Variants in CYRIB observed in about 807,000 individuals in gnomAD.
The protein encoded by CYRIB is CYFIP related Rac1 interactor B.
In CYRIB, 8 loss-of-function variants were observed where a neutral mutation model predicts 44.2. The ratio of observed to expected loss-of-function variants is 0.18; its 90% CI spans 0.11 to 0.33. The LOEUF (loss-of-function observed/expected upper bound fraction) is 0.33. Among genes scored for constraint, CYRIB ranks in the 10% least tolerant of loss-of-function variants. The pLI is 1.00. For missense variants in CYRIB, 185 were observed against 382.8 expected (o/e 0.48, Z 4.31); for synonymous variants, 131 against 127.2 (o/e 1.03, Z -0.20).
At chr8:130,007,361 C>T (rs2097126138) in intron 1 of CYRIB, among the ~76,000 whole-genome samples, 3 of 152,216 alleles carry the variant, frequency 2.0e-5, no homozygotes, top group South Asian at 4.1e-4. Context: ...CTGAAGCTGG[C>T]CTGGTATGTT....
exon 12 of CYRIB, chr8:129,841,356 G>A (rs755019246): frequency 2.6e-5 from 4 of 152,202 alleles, no homozygotes; most frequent in South Asian, 4.2e-4. Context: ...GAAAAGACCC[G>A]GCTCTCCCCT....
At chr8:129,853,845 T>C (rs766251314) in intron 7 of CYRIB, among the ~76,000 whole-genome samples, 5 of 152,198 alleles carry the variant, frequency 3.3e-5, no homozygotes, top group Admixed American at 6.5e-5. Flanking sequence ...TAACCATTAA[T>C]TTCTTGGAGG....
intron 1 of CYRIB, among the ~76,000 whole-genome samples, chr8:129,999,442 G>A (rs2096858117): frequency 1.3e-5 from 2 of 152,238 alleles, no homozygotes; most frequent in African/African-American, 2.4e-5. Flanking sequence ...CAGAGGCAAG[G>A]CCCACGTGCG....
intron 1 of CYRIB, among the ~76,000 whole-genome samples, chr8:129,910,586 C>T (rs2077470388): frequency 6.7e-6 from 1 of 150,242 alleles, no homozygotes; most frequent in South Asian, 2.1e-4. Flanking sequence ...TCACTTAAGA[C>T]CAGGAGTTTG....
At chr8:129,989,627 C>G (rs2096572256) in intron 1 of CYRIB, among the ~76,000 whole-genome samples, 1 of 151,494 alleles carries the variant, frequency 6.6e-6, no homozygotes, top group East Asian at 1.9e-4. Flanking sequence ...ACCTCGCAAG[C>G]CTGATGCCCT....
At chr8:129,942,982 G>A (rs1411854816), upstream of CYRIB, among the ~76,000 whole-genome samples, 1 of 152,046 alleles carries the variant, frequency 6.6e-6, no homozygotes, top group Non-Finnish European at 1.5e-5. Flanking sequence ...CTGTTTTCTT[G>A]GAAATTTTTA....
At chr8:129,938,807 A>G (rs973852535) in intron 1 of CYRIB, among the ~76,000 whole-genome samples, 3 of 152,180 alleles carry the variant, frequency 2.0e-5, no homozygotes, top group African/African-American at 7.2e-5. Context: ...GAAGTCTTCC[A>G]TGAAAAAAAT....
chr8:130,014,839 A>T (rs1212590588), intron 1 of CYRIB, among the ~76,000 whole-genome samples: 1 of 152,026 alleles, frequency 6.6e-6, no homozygotes, highest in Non-Finnish European at 1.5e-5. Flanking sequence ...CCAGCTGACC[A>T]CTTCTGCATG....
chr8:129,868,495 T>C (rs2055105030), intron 4 of CYRIB: 1 of 152,220 alleles, frequency 6.6e-6, no homozygotes, highest in Non-Finnish European at 1.5e-5. Flanking sequence ...TTTTTCTATG[T>C]AAACTTTCTC....
intron 1 of CYRIB, among the ~76,000 whole-genome samples, chr8:130,006,618 G>GTA (rs1233739743): frequency 0.014 from 19 of 1,394 alleles, no homozygotes; most frequent in African/African-American, 0.029. Flanking sequence ...ATATATATGT[G>GTA]TATATATATA....
intron 7 of CYRIB, among the ~76,000 whole-genome samples, chr8:129,852,485 T>A (rs2043842439): frequency 6.6e-6 from 1 of 152,202 alleles, no homozygotes; most frequent in African/African-American, 2.4e-5. Context: ...TATTAAAGAA[T>A]TTAAATAAAA....
intron 2 of CYRIB, among the ~76,000 whole-genome samples, chr8:129,968,387 T>G (rs1448126032): frequency 2.0e-5 from 3 of 152,246 alleles, no homozygotes; most frequent in South Asian, 4.1e-4. Flanking sequence ...TTTTATATCA[T>G]CCTTAGTTCT....
intron 2 of CYRIB, among the ~76,000 whole-genome samples, chr8:129,881,960 A>G (rs1364352713): frequency 6.6e-6 from 1 of 152,340 alleles, no homozygotes. Context: ...AAGTTCTTCA[A>G]TAGATGTTGG....
intron 1 of CYRIB, among the ~76,000 whole-genome samples, chr8:130,006,627 T>TACATATATATGTGTATATATATAC (rs1554785123): frequency 0.017 from 128 of 7,500 alleles, 10 homozygotes; most frequent in Middle Eastern, 0.062. Flanking sequence ...TGTATATATA[T>TACATATATATGTGTATATATATAC]ACATATATAT....
rs112183468 is a variant in CYRIB at position 129,855,446 on chromosome 8, T to C, written c.438+165A>G. The C allele has an allele frequency of 7.4e-3, 4,880 of 658,836 alleles. 178 individuals are homozygous for C. The highest frequency in any genetic ancestry group is 0.071 in the African/African-American group (3,907 of 54,676). 40.8% of individuals were successfully genotyped at this position (658,836 alleles called of 1,614,324 possible). A position where few individuals can be genotyped will look rare whatever the true frequency, so the allele number is the denominator to read the frequency against. On this transcript the variant is annotated intron_variant, in intron 6 of 11. Transcript: ENST00000519824. ...ACTCAGTAATTTGCTCTTTGCCATG[T>C]ATCAAAAGACCCGTCATTAATTTCT...
intron 2 of CYRIB, among the ~76,000 whole-genome samples, chr8:129,895,716 T>C (rs1273044389): frequency 6.6e-6 from 1 of 152,178 alleles, no homozygotes; most frequent in Non-Finnish European, 1.5e-5. Context: ...ATTTATTTAT[T>C]TATGAATAAA....
At chr8:130,015,122 G>C (rs992366237) in intron 1 of CYRIB, among the ~76,000 whole-genome samples, 1 of 152,194 alleles carries the variant, frequency 6.6e-6, no homozygotes, top group African/African-American at 2.4e-5. Flanking sequence ...GAGGGGAGGA[G>C]TCCATCCAAC....
At position 129,898,094 on chromosome 8, in the gene CYRIB, G is replaced by GTT. The variant is rs34731759; in HGVS notation, c.-11+5216_-11+5217dup. Among the ~76,000 whole-genome samples the GTT allele has an allele frequency of 1.2e-3, 182 of 146,616 alleles. 1 individual carries two copies. The highest frequency in any genetic ancestry group is 1.7e-3 in the African/African-American group (67 of 40,152). On this transcript the variant is annotated intron_variant, in intron 2 of 11. Coordinates refer to ENST00000519824, the Ensembl canonical transcript of CYRIB. ...CTAAAAATTTTTTTTAAGTTTTTTT[G>GTT]TTTTTTTTTTTAAAGGAATACTCAT... is the stretch of plus-strand genomic sequence containing the variant.
At chr8:129,963,568 G>T (rs1432564959) in intron 2 of CYRIB, among the ~76,000 whole-genome samples, 1 of 152,204 alleles carries the variant, frequency 6.6e-6, no homozygotes, top group Non-Finnish European at 1.5e-5. Context: ...CAGAGCAATG[G>T]CGATTAAACC....
Sources: allele counts gnomAD v4.1 joint callset (sites outside exome capture counted in the v4.1 genomes callset), GRCh38; gene constraint gnomAD v4.1.1; transcripts MANE v1.5; gene names NCBI Gene and HGNC (gene_info 2026-07-23, HGNC 2026-07-21).